Variants in SUMF1 observed in about 807,000 individuals in gnomAD.
SUMF1 encodes formylglycine-generating enzyme.
A neutral mutation model predicts 47.6 loss-of-function variants in SUMF1; 48 were observed. The observed-to-expected ratio is 1.01, with a 90% confidence interval of 0.80 to 1.28. SUMF1 has a LOEUF of 1.28. Among genes scored for constraint, SUMF1 ranks in the 50% most tolerant of loss-of-function variants. The pLI is 0.00. For missense variants in SUMF1, 571 were observed against 485.4 expected (o/e 1.18, Z -1.66); for synonymous variants, 230 against 192.1 (o/e 1.20, Z -1.63).
intron 8 of SUMF1, among the ~76,000 whole-genome samples, chr3:4,255,025 G>C (rs1187097334): frequency 6.6e-6 from 1 of 151,204 alleles, no homozygotes; most frequent in Admixed American, 6.6e-5. Flanking sequence ...AGCTTCATAA[G>C]TGAAGGAGAA....
chr3:4,384,261 A>T (rs1275675278), intron 7 of SUMF1, among the ~76,000 whole-genome samples: 1 of 152,174 alleles, frequency 6.6e-6, no homozygotes, highest in African/African-American at 2.4e-5. Context: ...TAAAATATTA[A>T]ACCTTTATTA....
chr3:4,106,583 A>T (rs185583778), intron 8 of SUMF1, among the ~76,000 whole-genome samples: 2 of 152,138 alleles, frequency 1.3e-5, no homozygotes, highest in African/African-American at 4.8e-5. Context: ...CAACGTAAAC[A>T]AAGAGTAAAG....
At chr3:4,163,316 C>G in intron 8 of SUMF1, among the ~76,000 whole-genome samples, 1 of 132,892 alleles carries the variant, frequency 7.5e-6, no homozygotes, top group South Asian at 2.6e-4. Flanking sequence ...CCTTTTTAAC[C>G]TTCCTTTTCA....
chr3:4,316,593 C>G, intron 8 of SUMF1: 2 of 1,551,328 alleles, frequency 1.3e-6, no homozygotes, highest in Non-Finnish European at 1.7e-6. Context: ...GACTGAAAAT[C>G]AAAAAAATCG....
chr3:4,137,697 A>G (rs1213597630), intron 8 of SUMF1, among the ~76,000 whole-genome samples: 3 of 152,108 alleles, frequency 2.0e-5, no homozygotes, highest in African/African-American at 4.8e-5. Context: ...AAATTCCACA[A>G]CTAACATCAT....
intron 8 of SUMF1, among the ~76,000 whole-genome samples, chr3:4,319,843 C>A (rs990614441): frequency 4.6e-5 from 7 of 152,140 alleles, no homozygotes; most frequent in African/African-American, 1.7e-4. Context: ...AGCTATCGAG[C>A]CACAGAAAGT....
At chr3:4,336,032 C>T (rs1431775710) in intron 8 of SUMF1, among the ~76,000 whole-genome samples, 2 of 150,040 alleles carry the variant, frequency 1.3e-5, no homozygotes, top group Non-Finnish European at 2.9e-5. Flanking sequence ...TTGTTGCTGG[C>T]CAAGGGCCAA....
intron 8 of SUMF1, among the ~76,000 whole-genome samples, chr3:4,276,550 G>A (rs1186756469): frequency 6.6e-6 from 1 of 152,026 alleles, no homozygotes; most frequent in Non-Finnish European, 1.5e-5. Context: ...TTAAGTTCTT[G>A]GGGTCTCCTC....
Position 4,067,407 on chromosome 3 carries a change from C to T in SUMF1, c.1191+1162G>A, listed in dbSNP as rs541148890. Among the ~76,000 whole-genome samples, 5 of 152,324 alleles carry T rather than the reference C, an allele frequency of 3.3e-5. 1 individual carries two copies. In the South Asian group the frequency reaches 8.3e-4, roughly 25 times the overall value. ...CTTCCCACCATCTTCATAACTGAGC[C>T]TTTGGCAGGCCATCCCACTATTCTG... On this transcript the variant is annotated intron_variant and NMD_transcript_variant, in intron 9 of 12. Transcript: ENST00000448413.
chr3:4,334,793 G>A (rs912219456), intron 8 of SUMF1, among the ~76,000 whole-genome samples: 1 of 152,308 alleles, frequency 6.6e-6, no homozygotes, highest in South Asian at 2.1e-4. Flanking sequence ...ATTAGGAAAC[G>A]AACTCAAGCC....
At chr3:4,365,444 T>C (rs1699920375) in intron 8 of SUMF1, among the ~76,000 whole-genome samples, 1 of 126,646 alleles carries the variant, frequency 7.9e-6, no homozygotes, top group Non-Finnish European at 1.9e-5. Context: ...CTCTTGTTGT[T>C]GAATTGATCC....
intron 8 of SUMF1, among the ~76,000 whole-genome samples, chr3:4,366,643 T>C (rs1226321821): frequency 6.6e-6 from 1 of 152,070 alleles, no homozygotes; most frequent in Non-Finnish European, 1.5e-5. Context: ...GTTTTTAACT[T>C]CTTTGCCTTT....
At chr3:4,374,991 C>A (rs892163450) in intron 8 of SUMF1, among the ~76,000 whole-genome samples, 2 of 151,782 alleles carry the variant, frequency 1.3e-5, no homozygotes, top group African/African-American at 4.8e-5. Context: ...GGCAAGACCC[C>A]ATCTCTAAAA....
In SUMF1 at chr3:4,202,542, T is replaced by C. The variant is rs548263616; in HGVS notation, c.1015-133797A>G. On this transcript the variant is annotated intron_variant and NMD_transcript_variant, in intron 8 of 12. Coordinates refer to the SUMF1 transcript ENST00000448413. ...TATAATTTGAACTCAGGTAATGTTATTCCTCTAGTTTTGTTCCTTTTGTTC... is the reference window on the plus strand; with the variant it reads ...TATAATTTGAACTCAGGTAATGTTACTCCTCTAGTTTTGTTCCTTTTGTTC... Among the ~76,000 whole-genome samples the C allele has an allele frequency of 2.6e-5, 4 of 152,188 alleles. No homozygotes were observed. In the East Asian group the frequency reaches 5.8e-4, roughly 22 times the overall value.
chr3:4,187,340 G>C (rs146592241), intron 8 of SUMF1, among the ~76,000 whole-genome samples: 95 of 152,310 alleles, frequency 6.2e-4, no homozygotes, highest in Middle Eastern at 3.4e-3. Flanking sequence ...CTGCACCCCA[G>C]CCTGGGAGAC....
intron 8 of SUMF1, among the ~76,000 whole-genome samples, chr3:4,109,291 T>C (rs780426280): frequency 9.2e-5 from 14 of 152,252 alleles, no homozygotes; most frequent in Non-Finnish European, 1.9e-4. Context: ...TGCAGAGAGA[T>C]CCGCTGTAAG....
chr3:4,282,683 G>T (rs932669464), intron 8 of SUMF1, among the ~76,000 whole-genome samples: 1 of 152,138 alleles, frequency 6.6e-6, no homozygotes, highest in Non-Finnish European at 1.5e-5. Context: ...TTCTTATTTA[G>T]AGAAAGATTT....
chr3:4,445,668 G>C (rs968308018), intron 3 of SUMF1, among the ~76,000 whole-genome samples: 1 of 152,132 alleles, frequency 6.6e-6, no homozygotes, highest in African/African-American at 2.4e-5. Flanking sequence ...AAATCCATGA[G>C]TTCATGAAGA....
intron 8 of SUMF1, among the ~76,000 whole-genome samples, chr3:4,250,188 G>A (rs1419485242): frequency 6.6e-6 from 1 of 151,188 alleles, no homozygotes; most frequent in Non-Finnish European, 1.5e-5. Flanking sequence ...GAGGGGGAAG[G>A]GGGAGGGAGT....
Sources: allele counts gnomAD v4.1 joint callset (sites outside exome capture counted in the v4.1 genomes callset), GRCh38; gene constraint gnomAD v4.1.1; transcripts MANE v1.5; gene names NCBI Gene and HGNC (gene_info 2026-07-23, HGNC 2026-07-21).